Variants in MACF1 observed in about 807,000 individuals in gnomAD.
The protein encoded by MACF1 is microtubule-actin cross-linking factor 1.
Under a neutral mutation model 854.8 loss-of-function variants are expected in MACF1, and 193 were observed. That is an observed-to-expected ratio of 0.23 (90% CI 0.20 to 0.25). The LOEUF (loss-of-function observed/expected upper bound fraction) is 0.25. Ranked by LOEUF, MACF1 falls within the 10% of genes least tolerant of loss-of-function variation. The pLI is 1.00. For synonymous variants in MACF1, 3,185 were observed against 3,226.7 expected (o/e 0.99, Z 0.44); for missense variants, 7,722 against 8,929.1 (o/e 0.86, Z 5.45).
chr1:39,239,416 G>C (rs1340427867), intron 2 of MACF1, among the ~76,000 whole-genome samples: 1 of 152,180 alleles, frequency 6.6e-6, no homozygotes, highest in Non-Finnish European at 1.5e-5. Flanking sequence ...TTTGGGATAA[G>C]CAAATTAATT....
chr1:39,177,192 A>G (rs1284610020), intron 2 of MACF1, among the ~76,000 whole-genome samples: 1 of 152,048 alleles, frequency 6.6e-6, no homozygotes, highest in Non-Finnish European at 1.5e-5. Flanking sequence ...CTGGAGTGCA[A>G]TGGCGCAATC....
At position 39,295,894 on chromosome 1, in the gene MACF1, T is replaced by G. The variant is rs1258340170; in HGVS notation, c.2355+12T>G. On this transcript the variant is annotated intron_variant, in intron 20 of 100. Transcript: ENST00000564288. ...CTGCTTATTTTCAGGTGTGATGGATTTCTGTGTTTGTGTGTGTGTGTACAT... is the reference window on the plus strand; with the variant it reads ...CTGCTTATTTTCAGGTGTGATGGATGTCTGTGTTTGTGTGTGTGTGTACAT... 1.2e-6 allele frequency: 2 copies of G among 1,611,434 alleles called. No individual in the cohort carries two copies. The highest frequency in any genetic ancestry group is 2.7e-5 in the African/African-American group (2 of 74,828).
intron 23 of MACF1, chr1:39,304,287 A>G (rs974882915): frequency 1.7e-6 from 1 of 597,036 alleles, no homozygotes; most frequent in Non-Finnish European, 3.2e-6. Context: ...TTCAGTAGTG[A>G]CTTATTTCAC....
At chr1:39,349,995 C>T (rs192479492) in intron 42 of MACF1, among the ~76,000 whole-genome samples, 71 of 152,298 alleles carry the variant, frequency 4.7e-4, no homozygotes, top group Non-Finnish European at 1.2e-4. Context: ...GGTAAACAGA[C>T]ATCATCCCTG....
At chr1:39,309,424 TG>T in intron 23 of MACF1, 145 bp from the exon 24 acceptor site, 4 of 889,888 alleles carry the variant, frequency 4.5e-6, no homozygotes, top group Non-Finnish European at 6.8e-6. Context: ...TAAAAATTCC[TG>T]AGATGCTAGT....
chr1:39,442,117 T>G (rs761718292), intron 75 of MACF1, 30 bp from the exon 76 acceptor site: 27 of 1,591,582 alleles, frequency 1.7e-5, no homozygotes, highest in Non-Finnish European at 2.1e-5. Flanking sequence ...AGGCTTGATT[T>G]GATGTTAACA....
At chr1:39,423,634 C>CAAA (rs372928855) in intron 60 of MACF1, among the ~76,000 whole-genome samples, 10 of 93,934 alleles carry the variant, frequency 1.1e-4, no homozygotes, top group Admixed American at 2.4e-4. Flanking sequence ...GACTCTGTCT[C>CAAA]AAAAAAAAAA....
chr1:39,344,126 AAAG>A (rs1205943314), intron 40 of MACF1, among the ~76,000 whole-genome samples: 1 of 148,482 alleles, frequency 6.7e-6, no homozygotes, highest in Non-Finnish European at 1.5e-5. Context: ...AAAAAAAAAA[AAAG>A]AAAAAAAGTT....
At chr1:39,154,308 A>C (rs1643640168) in intron 2 of MACF1, 1 of 152,172 alleles carries the variant, frequency 6.6e-6, no homozygotes, top group Admixed American at 6.6e-5. Context: ...AGACACTGCC[A>C]TATTTTTTTC....
At chr1:39,089,535 G>A (rs953522878) in intron 2 of MACF1, among the ~76,000 whole-genome samples, 2 of 152,124 alleles carry the variant, frequency 1.3e-5, no homozygotes, top group African/African-American at 4.8e-5. Flanking sequence ...TCCCTCACCA[G>A]CTCTGGAGGT....
intron 2 of MACF1, among the ~76,000 whole-genome samples, chr1:39,143,621 A>G (rs601996): frequency 6.6e-6 from 1 of 151,688 alleles, no homozygotes; most frequent in Admixed American, 6.6e-5. Flanking sequence ...TCTGTTAAGT[A>G]TACTTCTTAT....
chr1:39,472,303 A>G (rs1644793445), intron 97 of MACF1, among the ~76,000 whole-genome samples: 1 of 152,190 alleles, frequency 6.6e-6, no homozygotes, highest in Admixed American at 6.5e-5. Flanking sequence ...TAGTACATAA[A>G]TTTTGCTTAA....
Position 39,293,571 on chromosome 1 carries a change from C to G in MACF1, c.2106C>G (p.Asp702Glu). The G allele has an allele frequency of 6.2e-7, 1 of 1,613,856 alleles. No individual in the cohort carries two copies. Among genetic ancestry groups the G allele is most frequent in the Non-Finnish European group, 8.5e-7 (1 of 1,179,854 alleles). ...AGGAGGAGGAGGAACTAGCATATGACTGGAGTGACAACAATTCCAATATCT... is the reference window on the plus strand; with the variant it reads ...AGGAGGAGGAGGAACTAGCATATGAGTGGAGTGACAACAATTCCAATATCT... ...NEKEEEELAY[D>E]WSDNNSNISA... The change falls in exon 18 of 101, where the codon GAC becomes GAG. Residue 702 changes from aspartate (D) to glutamate (E), a missense_variant. Coordinates refer to ENST00000564288, the MANE Select transcript of MACF1 (RefSeq NM_001394062.1).
At chr1:39,361,138 A>G in intron 48 of MACF1, 137 bp downstream of exon 48, 5 of 852,690 alleles carry the variant, frequency 5.9e-6, no homozygotes, top group Admixed American at 2.7e-5. Context: ...TAACTAATCT[A>G]TGTAAAGATA....
chr1:39,477,090 TACAC>T lies in MACF1; in HGVS notation c.21959-2698_21959-2695del, dbSNP rs10563248. Among the ~76,000 whole-genome samples, 94 of 26,262 alleles carry T rather than the reference TACAC, an allele frequency of 3.6e-3. 6 individuals are homozygous for T. Among genetic ancestry groups the T allele is most frequent in the African/African-American group, 8.3e-3 (64 of 7,706 alleles). The allele number at this position is 26,262 out of a possible 152,430, so 17.2% of individuals were successfully genotyped here. ...ATATATATATATATATATATATATA[TACAC>T]ACACACACATATATACACTTAGTGT... is the stretch of plus-strand genomic sequence containing the variant. On this transcript the variant is annotated intron_variant, in intron 97 of 100. Transcript: ENST00000564288.
At chr1:39,314,433 A>T (rs1646367121) in intron 26 of MACF1, among the ~76,000 whole-genome samples, 1 of 152,074 alleles carries the variant, frequency 6.6e-6, no homozygotes, top group Admixed American at 6.6e-5. Flanking sequence ...GAAAACATAT[A>T]TTTACAAATA....
At position 39,430,048 on chromosome 1, in the gene MACF1, C is replaced by G. The variant is rs766524789; in HGVS notation, c.17110C>G (p.Gln5704Glu). ...GQSPTGEQIP[Q>E]FQQRQKELKK... is the part of the protein sequence containing the mutation. ...GTCTCCCACAGGGGAACAGATACCC[C>G]AGTTTCAGCAGAGACAGAAGGTGAG... Residue 5704 changes from glutamine to glutamate, a missense_variant, in exon 65 of 101, where the codon CAG (glutamine) becomes GAG (glutamate). Physicochemically the swap from Gln to Glu is conservative, Grantham distance 29. Transcript: ENST00000564288. 1.9e-6 allele frequency: 3 copies of G among 1,613,768 alleles called. No individual in the cohort carries two copies. In the African/African-American group the frequency reaches 4.0e-5, roughly 22 times the overall value.
At chr1:39,337,444 C>A (rs1363515431) in intron 38 of MACF1, 113 bp downstream of exon 38, 4 of 967,130 alleles carry the variant, frequency 4.1e-6, no homozygotes, top group Non-Finnish European at 5.9e-6. Flanking sequence ...CTAGGGTAAA[C>A]AATCTCAGAC....
chr1:39,464,509 C>A (rs922024332), intron 94 of MACF1: 1 of 154,250 alleles, frequency 6.5e-6, no homozygotes, highest in Non-Finnish European at 1.4e-5. Flanking sequence ...TAATCTTATG[C>A]CTGCTTGTTG....
Sources: allele counts gnomAD v4.1 joint callset (sites outside exome capture counted in the v4.1 genomes callset), GRCh38; gene constraint gnomAD v4.1.1; transcripts MANE v1.5; gene names NCBI Gene and HGNC (gene_info 2026-07-23, HGNC 2026-07-21).